Variants in MYO16 observed in about 807,000 individuals in gnomAD.
The protein encoded by MYO16 is unconventional myosin-XVI.
Under a neutral mutation model 205.3 loss-of-function variants are expected in MYO16, and 94 were observed. The ratio of observed to expected loss-of-function variants is 0.46; its 90% CI spans 0.39 to 0.54. MYO16 has a LOEUF of 0.54. MYO16 is among the 20% of genes least tolerant of loss of function. The probability of loss-of-function intolerance (pLI) is 0.00; values close to 1 mark genes in which losing one functional copy is unlikely to be tolerated. For missense variants in MYO16, 2,315 were observed against 2,387.5 expected, an observed-to-expected ratio of 0.97 and a Z score of 0.63; for synonymous variants, 988 against 954.0, an observed-to-expected ratio of 1.04 and a Z score of -0.66.
At chr13:108,548,002 C>A in the MYO16 span, among the ~76,000 whole-genome samples, 1 of 152,152 alleles carries the variant, frequency 6.6e-6, no homozygotes, top group Admixed American at 6.5e-5. Flanking sequence ...AATGTGTTAC[C>A]TTCTAATACA....
the MYO16 span, among the ~76,000 whole-genome samples, chr13:108,581,357 A>G: frequency 1.3e-5 from 2 of 152,212 alleles, no homozygotes; most frequent in African/African-American, 4.8e-5. Context: ...TACCCAGATG[A>G]TATAGACATA....
At chr13:109,205,076 C>G (rs955101354) in intron 34 of MYO16, among the ~76,000 whole-genome samples, 1 of 152,170 alleles carries the variant, frequency 6.6e-6, no homozygotes, top group Non-Finnish European at 1.5e-5. Context: ...TTTTAAGAGG[C>G]CCACTCTGCT....
chr13:108,750,025 G>A (rs1885180639), intron 4 of MYO16, among the ~76,000 whole-genome samples: 1 of 151,726 alleles, frequency 6.6e-6, no homozygotes, highest in Non-Finnish European at 1.5e-5. Context: ...AAAGAAGCCA[G>A]TTTTAAAAGG....
At chr13:109,153,464 G>A (rs56227920) in intron 32 of MYO16, among the ~76,000 whole-genome samples, 120 of 152,180 alleles carry the variant, frequency 7.9e-4, no homozygotes, top group Non-Finnish European at 1.1e-3. Flanking sequence ...GTGAACCTAC[G>A]TACTTTAGAA....
At chr13:109,093,098 A>C (rs1888671787) in intron 27 of MYO16, among the ~76,000 whole-genome samples, 1 of 152,180 alleles carries the variant, frequency 6.6e-6, no homozygotes, top group South Asian at 2.1e-4. Context: ...GATGTTGAGA[A>C]TGTACTTGAC....
chr13:108,978,400 C>T (rs1884343606), intron 20 of MYO16, among the ~76,000 whole-genome samples: 1 of 151,998 alleles, frequency 6.6e-6, no homozygotes, highest in Admixed American at 6.6e-5. Context: ...CTTAGCATTC[C>T]AGTAAATAAC....
intron 9 of MYO16, among the ~76,000 whole-genome samples, chr13:108,841,989 A>G (rs979832873): frequency 3.3e-5 from 5 of 152,146 alleles, no homozygotes; most frequent in Non-Finnish European, 1.5e-5. Flanking sequence ...AAGTTACTTT[A>G]ATAATTGGTA....
At chr13:108,524,422 G>A in the MYO16 span, among the ~76,000 whole-genome samples, 9 of 152,130 alleles carry the variant, frequency 5.9e-5, no homozygotes, top group South Asian at 1.9e-3. Flanking sequence ...CCTTCACCTT[G>A]CACCATGATT....
chr13:108,834,612 A>G (rs1363061786), intron 9 of MYO16, among the ~76,000 whole-genome samples: 1 of 150,724 alleles, frequency 6.6e-6, no homozygotes, highest in African/African-American at 2.5e-5. Flanking sequence ...TTTGCCCTTT[A>G]TGTTTCCTGT....
At chr13:108,629,934 A>G in intron 1 of MYO16, 62 bp downstream of exon 1, 1 of 1,438,456 alleles carries the variant, frequency 7.0e-7, no homozygotes, top group Non-Finnish European at 9.4e-7. Context: ...TATTTTGTGC[A>G]GATGCCAAAA....
chr13:108,794,506 A>G (rs528749525), intron 6 of MYO16, among the ~76,000 whole-genome samples: 50 of 152,336 alleles, frequency 3.3e-4, no homozygotes, highest in African/African-American at 1.1e-3. Flanking sequence ...CTTTCATTTT[A>G]GTGTTCAGTA....
intron 22 of MYO16, among the ~76,000 whole-genome samples, chr13:109,009,408 T>A (rs2139482441): frequency 6.6e-6 from 1 of 152,312 alleles, no homozygotes; most frequent in East Asian, 1.9e-4. Context: ...TTCAATGGAA[T>A]CTTTTTTGTT....
At chr13:108,599,866 A>G (rs1314692285) in intron 1 of MYO16, among the ~76,000 whole-genome samples, 1 of 152,214 alleles carries the variant, frequency 6.6e-6, no homozygotes, top group Non-Finnish European at 1.5e-5. Flanking sequence ...TTGTACAGGC[A>G]TGGAAAGAAA....
At chr13:108,700,291 C>T (rs573611974) in intron 2 of MYO16, among the ~76,000 whole-genome samples, 29 of 144,340 alleles carry the variant, frequency 2.0e-4, no homozygotes, top group African/African-American at 7.3e-4. Context: ...GAGATTGAGC[C>T]ATTGCACTGC....
intron 34 of MYO16, among the ~76,000 whole-genome samples, chr13:109,198,926 CACTG>C (rs1880275131): frequency 6.6e-6 from 1 of 152,046 alleles, no homozygotes; most frequent in African/African-American, 2.4e-5. Flanking sequence ...TTTTCAGCCA[CACTG>C]ACTGTGCTCA....
chr13:108,826,799 GA>G (rs1176600096), intron 9 of MYO16, among the ~76,000 whole-genome samples: 1 of 152,004 alleles, frequency 6.6e-6, no homozygotes, highest in Admixed American at 6.6e-5. Flanking sequence ...TATTTATCAG[GA>G]AAAGCCAAAT....
chr13:108,606,278 G>A (rs1434475940), intron 1 of MYO16, among the ~76,000 whole-genome samples: 2 of 152,168 alleles, frequency 1.3e-5, no homozygotes, highest in Non-Finnish European at 1.5e-5. Context: ...AGACAATGGG[G>A]AATTTGTCTC....
chr13:108,644,777 A>G (rs1880678634), intron 1 of MYO16, among the ~76,000 whole-genome samples: 1 of 152,186 alleles, frequency 6.6e-6, no homozygotes, highest in Non-Finnish European at 1.5e-5. Flanking sequence ...TAGAAAGACA[A>G]ATCTGTGTTC....
chr13:108,939,662 CTTAT>C (rs1262275424), intron 16 of MYO16, among the ~76,000 whole-genome samples: 4 of 152,160 alleles, frequency 2.6e-5, no homozygotes, highest in Non-Finnish European at 5.9e-5. Flanking sequence ...CACTTTTCTT[CTTAT>C]TTGAGAATAT....
Sources: allele counts gnomAD v4.1 joint callset (sites outside exome capture counted in the v4.1 genomes callset), GRCh38; gene constraint gnomAD v4.1.1; transcripts MANE v1.5; gene names NCBI Gene and HGNC (gene_info 2026-07-23, HGNC 2026-07-21).